Variants in EPHA6 observed in about 807,000 individuals in gnomAD.
The protein encoded by EPHA6 is ephrin type-A receptor 6.
EPHA6 carries 50 observed loss-of-function variants against 112.0 expected under a neutral mutation model. The observed-to-expected ratio is 0.45, with a 90% CI of 0.36 to 0.56. The LOEUF (loss-of-function observed/expected upper bound fraction) is 0.56. Among genes scored for constraint, EPHA6 ranks in the 20% least tolerant of loss-of-function variants. The pLI is 0.00. For synonymous variants in EPHA6, 529 were observed against 490.7 expected (o/e 1.08, Z -1.03); for missense variants, 1,280 against 1,417.4 (o/e 0.90, Z 1.56).
At chr3:97,330,488 T>C (rs2082730942) in intron 5 of EPHA6, among the ~76,000 whole-genome samples, 1 of 152,182 alleles carries the variant, frequency 6.6e-6, no homozygotes, top group Non-Finnish European at 1.5e-5. Context: ...TCCTCTTTTA[T>C]TTCATTGAGC....
intron 2 of EPHA6, among the ~76,000 whole-genome samples, chr3:96,940,499 C>G (rs926427170): frequency 6.6e-6 from 1 of 152,026 alleles, no homozygotes; most frequent in Non-Finnish European, 1.5e-5. Context: ...TTTCTCTGCA[C>G]GTGAGATGGG....
intron 14 of EPHA6, among the ~76,000 whole-genome samples, chr3:97,696,740 A>G (rs980125829): frequency 3.3e-5 from 5 of 152,168 alleles, no homozygotes; most frequent in East Asian, 1.9e-4. Flanking sequence ...GCGTTGCTAC[A>G]TGTGTTAACT....
chr3:96,914,958 T>C (rs2039412304), intron 2 of EPHA6, among the ~76,000 whole-genome samples: 1 of 151,530 alleles, frequency 6.6e-6, no homozygotes, highest in African/African-American at 2.4e-5. Flanking sequence ...AAAACTTTTA[T>C]GCAGGTAAGT....
chr3:96,898,749 G>A (rs1434963280), intron 2 of EPHA6, among the ~76,000 whole-genome samples: 1 of 152,018 alleles, frequency 6.6e-6, no homozygotes, highest in African/African-American at 2.4e-5. Flanking sequence ...CAGGAATTTG[G>A]CCGGGCGCGG....
At chr3:96,877,291 T>G (rs945850993) in intron 2 of EPHA6, among the ~76,000 whole-genome samples, 4 of 152,116 alleles carry the variant, frequency 2.6e-5, no homozygotes, top group Non-Finnish European at 5.9e-5. Context: ...TTTTGTATTT[T>G]AGACAATCCA....
At position 97,751,136 on chromosome 3, in the gene EPHA6, G is replaced by A. The variant is rs1376600155; in HGVS notation, c.*2435G>A. On this transcript the variant is annotated 3_prime_UTR_variant, in exon 18 of 18. Coordinates refer to ENST00000389672, the MANE Select transcript of EPHA6 (RefSeq NM_001080448.3). ...AGGAAAATAAGGAATAGAATAATAT[G>A]GTCTTCCACAGGACTCTGTCGGCAC... Among the ~76,000 whole-genome samples, 4 of 151,890 alleles carry A rather than the reference G, an allele frequency of 2.6e-5. No homozygotes were observed.
At chr3:97,518,606 A>C (rs890438575) in intron 10 of EPHA6, among the ~76,000 whole-genome samples, 1 of 151,940 alleles carries the variant, frequency 6.6e-6, no homozygotes, top group Non-Finnish European at 1.5e-5. Flanking sequence ...TCAACAGTGT[A>C]TAAGTGTAAC....
chr3:96,857,348 G>T (rs1462101625), intron 1 of EPHA6, among the ~76,000 whole-genome samples: 1 of 152,008 alleles, frequency 6.6e-6, no homozygotes, highest in African/African-American at 2.4e-5. Flanking sequence ...CAACCATAAA[G>T]CTTCCATCTG....
intron 3 of EPHA6, among the ~76,000 whole-genome samples, chr3:97,158,600 T>C (rs1259454669): frequency 6.6e-6 from 1 of 152,158 alleles, no homozygotes; most frequent in Non-Finnish European, 1.5e-5. Flanking sequence ...AAGGGTGGGA[T>C]ATTGAGAAGT....
intron 11 of EPHA6, among the ~76,000 whole-genome samples, chr3:97,577,641 T>C (rs993271941): frequency 1.3e-5 from 2 of 152,210 alleles, no homozygotes; most frequent in African/African-American, 4.8e-5. Context: ...TGCTCTTAAC[T>C]GTCAAGGTAC....
At chr3:97,199,866 G>T (rs1407112603) in intron 3 of EPHA6, among the ~76,000 whole-genome samples, 1 of 152,108 alleles carries the variant, frequency 6.6e-6, no homozygotes, top group Non-Finnish European at 1.5e-5. Context: ...GCTATTGTCG[G>T]ATGCTGGGGG....
At chr3:97,104,534 G>A (rs1354540272) in intron 3 of EPHA6, among the ~76,000 whole-genome samples, 1 of 152,030 alleles carries the variant, frequency 6.6e-6, no homozygotes, top group African/African-American at 2.4e-5. Flanking sequence ...ATGTGCTACT[G>A]GATTCAGTTT....
chr3:97,439,057 T>A (rs2090001013), intron 6 of EPHA6, among the ~76,000 whole-genome samples: 2 of 152,202 alleles, frequency 1.3e-5, no homozygotes, highest in African/African-American at 2.4e-5. Context: ...TAATTCCAGA[T>A]CAATATTCCT....
chr3:97,712,111 T>C (rs2033997199), intron 14 of EPHA6, among the ~76,000 whole-genome samples: 1 of 152,228 alleles, frequency 6.6e-6, no homozygotes, highest in Admixed American at 6.5e-5. Context: ...TAATTAATCT[T>C]TCACTCCCCT....
chr3:97,734,905 CAGTATTATCAT>C (rs1264708947), intron 15 of EPHA6, among the ~76,000 whole-genome samples: 1 of 151,894 alleles, frequency 6.6e-6, no homozygotes, highest in Non-Finnish European at 1.5e-5. Flanking sequence ...AATTCAGGGT[CAGTATTATCAT>C]ATTGCTAGGA....
intron 2 of EPHA6, among the ~76,000 whole-genome samples, chr3:96,906,491 A>T (rs543470310): frequency 6.6e-6 from 1 of 152,046 alleles, no homozygotes; most frequent in Non-Finnish European, 1.5e-5. Flanking sequence ...AACGTCTTGA[A>T]CACTCTTCCA....
chr3:97,394,836 A>G (rs983274484), intron 5 of EPHA6, among the ~76,000 whole-genome samples: 1 of 151,840 alleles, frequency 6.6e-6, no homozygotes, highest in Admixed American at 6.6e-5. Context: ...GGGAATGTAA[A>G]TTAGTACAGC....
chr3:97,271,921 T>G (rs554412488), intron 5 of EPHA6, among the ~76,000 whole-genome samples: 7 of 152,190 alleles, frequency 4.6e-5, no homozygotes, highest in African/African-American at 1.7e-4. Context: ...ATCATTTGTG[T>G]GTAGATGGGG....
At chr3:97,706,898 G>A (rs1324039299) in intron 14 of EPHA6, among the ~76,000 whole-genome samples, 22 of 150,590 alleles carry the variant, frequency 1.5e-4, no homozygotes, top group Non-Finnish European at 3.1e-4. Flanking sequence ...TTCTCTTACT[G>A]TAACATGAGC....
Sources: allele counts gnomAD v4.1 joint callset (sites outside exome capture counted in the v4.1 genomes callset), GRCh38; gene constraint gnomAD v4.1.1; transcripts MANE v1.5; gene names NCBI Gene and HGNC (gene_info 2026-07-23, HGNC 2026-07-21).